Variants in LHX6 observed in about 807,000 individuals in gnomAD.
LHX6 encodes the protein LIM/homeobox protein Lhx6.
In LHX6, 15 loss-of-function variants were observed where a neutral mutation model predicts 47.1. That is an observed-to-expected ratio of 0.32 (90% CI 0.21 to 0.49). The LOEUF (loss-of-function observed/expected upper bound fraction) is 0.49, where lower values mean the gene tolerates loss of function less well. Ranked by LOEUF, LHX6 falls within the 20% of genes least tolerant of loss-of-function variation. LHX6 has a pLI of 0.99. For synonymous variants in LHX6, 242 were observed against 233.5 expected (o/e 1.04, Z -0.33); for missense variants, 404 against 539.6 (o/e 0.75, Z 2.49).
At chr9:122,221,792 G>A in intron 4 of LHX6, 1 of 923,162 alleles carries the variant, frequency 1.1e-6, no homozygotes, top group Non-Finnish European at 1.3e-6. Context: ...CTTTGGATCA[G>A]CAGAGAGGGG....
intron 4 of LHX6, among the ~76,000 whole-genome samples, chr9:122,223,067 T>C (rs1830938543): frequency 6.6e-6 from 1 of 152,234 alleles, no homozygotes; most frequent in Non-Finnish European, 1.5e-5. Context: ...AACTTCCTCA[T>C]AGCAGCCACC....
intron 8 of LHX6, among the ~76,000 whole-genome samples, chr9:122,211,559 C>T (rs931941374): frequency 2.0e-5 from 3 of 152,236 alleles, no homozygotes; most frequent in African/African-American, 7.2e-5. Flanking sequence ...AAATTCACAA[C>T]TCCATGACTG....
chr9:122,228,191 A>T, intron 1 of LHX6: 1 of 1,323,560 alleles, frequency 7.6e-7, no homozygotes, highest in Non-Finnish European at 1.0e-6. Flanking sequence ...GGCCAGTCGG[A>T]GGGAAACCCG....
chr9:122,213,862 G>A lies in LHX6; in HGVS notation c.880-82C>T, dbSNP rs752492400. ...GGGAGACCCCAGGCGGGACTGCCTC[G>A]TCGCCTCCTGGAGAAGGATGGCCAC... On this transcript the variant is annotated intron_variant, in intron 7 of 9. Transcript: ENST00000394319. This position sits in a 1 kb window ranked among gnomAD's most constrained non-coding sequence, Gnocchi z 5.5. 57 of 1,520,694 alleles carry A rather than the reference G, an allele frequency of 3.7e-5. No homozygotes were observed. Among genetic ancestry groups the A allele is most frequent in the Non-Finnish European group, 4.7e-5 (53 of 1,126,298 alleles). The allele number at this position is 1,520,694 out of a possible 1,614,324, so 94.2% of individuals were successfully genotyped here. A position where few individuals can be genotyped will look rare whatever the true frequency, so the allele number is the denominator to read the frequency against.
chr9:122,227,274 G>A (rs1395970875), intron 2 of LHX6, 135 bp downstream of exon 2: 1 of 971,216 alleles, frequency 1.0e-6, no homozygotes, highest in Admixed American at 3.4e-5. Flanking sequence ...GGAAAACCGA[G>A]GCTCAGAGAG....
chr9:122,212,553 C>A (rs896645374), intron 8 of LHX6, among the ~76,000 whole-genome samples: 1 of 152,156 alleles, frequency 6.6e-6, no homozygotes. Flanking sequence ...TTAGAGGAAA[C>A]AATTGATGGG....
In LHX6 at chr9:122,214,096, G is replaced by C. The variant is rs1192852490; in HGVS notation, c.784-27C>G. On this transcript the variant is annotated intron_variant, in intron 6 of 9. Transcript: ENST00000394319. The surrounding 1 kb of genome is among the most constrained non-coding windows in gnomAD (Gnocchi z 4.6). ...TGCGGGGCGGGGAGGGCGGTGAGGC[G>C]CTCGCACGCAGAGACTCCGAGACCC... 6.3e-7 allele frequency: 1 copy of C among 1,580,898 alleles called. No homozygotes were observed. Among genetic ancestry groups the C allele is most frequent in the East Asian group, 2.2e-5 (1 of 44,614 alleles).
At position 122,213,579 on chromosome 9, in the gene LHX6, G is replaced by C; in HGVS notation, c.1054+27C>G. ...TCCGCGCCCCCTCCCCGCAGGCCCA[G>C]CGGCTCCCGGCGCTGCGGTTACTTA... On this transcript the variant is annotated intron_variant, in intron 8 of 9. Coordinates refer to ENST00000394319, the MANE Select transcript of LHX6 (RefSeq NM_014368.5). This position sits in a 1 kb window ranked among gnomAD's most constrained non-coding sequence, Gnocchi z 5.5. 2 of 1,528,744 alleles carry C rather than the reference G, an allele frequency of 1.3e-6. No homozygotes were observed. Among genetic ancestry groups the C allele is most frequent in the Admixed American group, 3.8e-5 (2 of 52,468 alleles). The allele number at this position is 1,528,744 out of a possible 1,614,324, so 94.7% of individuals were successfully genotyped here.
Position 122,204,643 on chromosome 9 carries a change from C to T in LHX6, c.*117G>A, listed in dbSNP as rs1040579124. The T allele has an allele frequency of 3.8e-5, 48 of 1,274,688 alleles. No homozygotes were observed. The highest frequency in any genetic ancestry group is 4.8e-5 in the Non-Finnish European group (44 of 920,020). The allele number at this position is 1,274,688 out of a possible 1,614,324, so 79.0% of individuals were successfully genotyped here. A position where few individuals can be genotyped will look rare whatever the true frequency, so the allele number is the denominator to read the frequency against. ...ACCGACCTGGTGGTGGGCAGGATGG[C>T]GGACGGGGGTGGATGCGGAGGTGGG... is the stretch of plus-strand genomic sequence containing the variant. On this transcript the variant is annotated 3_prime_UTR_variant, in exon 10 of 10. Coordinates refer to ENST00000394319, the MANE Select transcript of LHX6 (RefSeq NM_014368.5).
In LHX6 at chr9:122,228,804, G is replaced by A. The variant is rs1410979281; in HGVS notation, c.-64C>T. ...GAGAGCTGCGCCGAGGGGGACCACA[G>A]CCGCAGTGGGAGCAGAGGCTGCTGC... is the stretch of plus-strand genomic sequence containing the variant. On this transcript the variant is annotated 5_prime_UTR_variant, in exon 1 of 10. Transcript: ENST00000394319. The A allele has an allele frequency of 1.3e-5, 14 of 1,093,518 alleles. No homozygotes were observed. The highest frequency in any genetic ancestry group is 1.6e-5 in the Non-Finnish European group (14 of 865,764). 67.7% of individuals were successfully genotyped at this position (1,093,518 alleles called of 1,614,324 possible). A position where few individuals can be genotyped will look rare whatever the true frequency, so the allele number is the denominator to read the frequency against.
rs748262659 is a variant in LHX6 at position 122,214,856 on chromosome 9, TACA to T, written c.683-476_683-474del. Reference sequence around the variant, plus strand: ...GGAAGGAAAAAAGGTTGTAAGAATATACAACAAGGTGTTGGCAGTGGTTTACTT... The same window carrying T: ...GGAAGGAAAAAAGGTTGTAAGAATATACAAGGTGTTGGCAGTGGTTTACTT... On this transcript the variant is annotated intron_variant, in intron 5 of 9. Coordinates refer to ENST00000394319, the MANE Select transcript of LHX6 (RefSeq NM_014368.5). The surrounding 1 kb of genome is among the most constrained non-coding windows in gnomAD (Gnocchi z 4.6). 2.0e-5 allele frequency among the ~76,000 whole-genome samples: 3 copies of T among 152,224 alleles called. No individual in the cohort carries two copies. The highest frequency in any genetic ancestry group is 2.9e-5 in the Non-Finnish European group (2 of 68,044).
In LHX6 at chr9:122,213,670, G is replaced by C; in HGVS notation, c.990C>G (p.Ile330Met). The C allele has an allele frequency of 6.2e-7, 1 of 1,612,416 alleles. No individual in the cohort carries two copies. Among genetic ancestry groups the C allele is most frequent in the Non-Finnish European group, 8.5e-7 (1 of 1,179,764 alleles). The change falls in exon 8 of 10, where the codon ATC becomes ATG. Residue 330 changes from isoleucine (I) to methionine (M), a missense_variant. Physicochemically the swap from Ile to Met is conservative, Grantham distance 10 (BLOSUM62 1). Transcript: ENST00000394319. The surrounding 1 kb of genome is among the most constrained non-coding windows in gnomAD (Gnocchi z 5.5). ...SRLPSALSDD[I>M]HYTPFSSPER... ...CGGGGCTGCTGAACGGGGTGTAGTG[G>C]ATGTCGTCGGACAGGGCGGAGGGAA...
At chr9:122,204,839 C>A in intron 9 of LHX6, 59 bp from the exon 10 acceptor site, 1 of 1,251,676 alleles carries the variant, frequency 8.0e-7, no homozygotes. Flanking sequence ...CCTGCTGCCC[C>A]CCAGAGAACC....
intron 2 of LHX6, 186 bp from the exon 3 acceptor site, chr9:122,227,216 C>T: frequency 1.3e-6 from 1 of 765,620 alleles, no homozygotes; most frequent in Non-Finnish European, 2.0e-6. Context: ...CAACTTTTAA[C>T]ACGCGCATTC....
chr9:122,213,580 C>G lies in LHX6; in HGVS notation c.1054+26G>C. 1 of 1,529,384 alleles carries G rather than the reference C, an allele frequency of 6.5e-7. No individual in the cohort carries two copies. Among genetic ancestry groups the G allele is most frequent in the Non-Finnish European group, 8.8e-7 (1 of 1,142,358 alleles). The allele number at this position is 1,529,384 out of a possible 1,614,324, so 94.7% of individuals were successfully genotyped here. The stretch of plus-strand genomic sequence containing the variant: ...CCGCGCCCCCTCCCCGCAGGCCCAG[C>G]GGCTCCCGGCGCTGCGGTTACTTAC... On this transcript the variant is annotated intron_variant, in intron 8 of 9. Transcript: ENST00000394319. This position sits in a 1 kb window ranked among gnomAD's most constrained non-coding sequence, Gnocchi z 5.5.
intron 1 of LHX6, 121 bp downstream of exon 1, chr9:122,228,536 C>T (rs1831208171): frequency 7.4e-7 from 1 of 1,356,696 alleles, no homozygotes; most frequent in Non-Finnish European, 9.5e-7. Context: ...AGCACACACT[C>T]ACAGGCGCAC....
At chr9:122,225,549 G>C (rs1221705958) in intron 4 of LHX6, among the ~76,000 whole-genome samples, 1 of 152,268 alleles carries the variant, frequency 6.6e-6, no homozygotes. Context: ...CCTGCAGTAG[G>C]GAGAGCGCAG....
chr9:122,228,447 T>C, intron 1 of LHX6: 2 of 1,449,320 alleles, frequency 1.4e-6, no homozygotes, highest in Non-Finnish European at 1.8e-6. Flanking sequence ...TTTTGAGAAA[T>C]TCCTCCAACA....
chr9:122,227,916 A>C, intron 1 of LHX6: 1 of 344,220 alleles, frequency 2.9e-6, no homozygotes. Flanking sequence ...TGATTTTTTA[A>C]TGGTAGTAAT....
Sources: gnomAD v4.1 joint callset for allele counts (sites outside exome capture counted in the v4.1 genomes callset) on GRCh38, gnomAD v4.1.1 for gene constraint, Gnocchi (gnomAD v3.1) non-coding constraint, MANE v1.5 for transcripts, NCBI Gene and HGNC (gene_info 2026-07-23, HGNC 2026-07-21) for gene names.